The following CDK5RAP2 variants were observed in gnomAD, a reference collection of about 807,000 sequenced individuals.
CDK5RAP2 encodes CDK5 regulatory subunit associated protein 2, also known as CDK5 regulatory subunit-associated protein 2.
In CDK5RAP2, 147 loss-of-function variants were observed where a neutral mutation model predicts 232.9. The ratio of observed to expected loss-of-function variants is 0.63; its 90% CI spans 0.55 to 0.72. CDK5RAP2 has a LOEUF of 0.72. CDK5RAP2 is among the 30% of genes least tolerant of loss of function. CDK5RAP2 has a pLI of 0.00. For missense variants in CDK5RAP2, 2,195 were observed against 2,231.5 expected (o/e 0.98, Z 0.33); for synonymous variants, 833 against 833.7 (o/e 1.00, Z 0.01).
At chr9:120,412,113 C>G (rs1472897065) in intron 28 of CDK5RAP2, among the ~76,000 whole-genome samples, 1 of 152,216 alleles carries the variant, frequency 6.6e-6, no homozygotes, top group Non-Finnish European at 1.5e-5. Flanking sequence ...TTATCCTAAA[C>G]AAATTCCATT....
intron 29 of CDK5RAP2, among the ~76,000 whole-genome samples, chr9:120,411,075 A>T (rs1262164831): frequency 6.6e-6 from 1 of 152,214 alleles, no homozygotes; most frequent in Non-Finnish European, 1.5e-5. Flanking sequence ...AAGCAAATAA[A>T]GTAACATTTA....
intron 11 of CDK5RAP2, 89 bp from the exon 12 acceptor site, chr9:120,518,734 G>C (rs1564329337): frequency 1.0e-6 from 1 of 964,106 alleles, no homozygotes; most frequent in Non-Finnish European, 1.6e-6. Context: ...CGCCGTGGGG[G>C]AAAAAAAGAA....
At chr9:120,490,898 T>C (rs763746967) in intron 13 of CDK5RAP2, among the ~76,000 whole-genome samples, 23 of 152,124 alleles carry the variant, frequency 1.5e-4, no homozygotes, top group Admixed American at 3.3e-4. Context: ...TTTCAAAAAC[T>C]CACGACATGA....
intron 14 of CDK5RAP2, among the ~76,000 whole-genome samples, chr9:120,485,831 G>A (rs1027957540): frequency 2.6e-5 from 4 of 152,300 alleles, no homozygotes; most frequent in Admixed American, 2.6e-4. Flanking sequence ...CCCAGGTTAC[G>A]TAAGTGAAAT....
Position 120,571,856 on chromosome 9 carries a change from G to GT in CDK5RAP2, c.127+117dup, listed in dbSNP as rs1189724060. 6.5e-6 allele frequency: 5 copies of GT among 774,656 alleles called. No individual in the cohort carries two copies. In the African/African-American group the frequency reaches 8.5e-5, roughly 13 times the overall value. The allele number at this position is 774,656 out of a possible 1,614,324, so 48.0% of individuals were successfully genotyped here. ...ATACAAAAAATACTGAGCACCTACG[G>GT]TGTGCCAGTTCAGGGAAGCCTCTGG... On this transcript the variant is annotated intron_variant, in intron 2 of 37. Coordinates refer to ENST00000349780, the MANE Select transcript of CDK5RAP2 (RefSeq NM_018249.6).
intron 12 of CDK5RAP2, among the ~76,000 whole-genome samples, chr9:120,503,339 C>A (rs1350164692): frequency 6.6e-6 from 1 of 152,140 alleles, no homozygotes; most frequent in East Asian, 1.9e-4. Flanking sequence ...GCAAAATGAC[C>A]ATAGGGGGAG....
intron 25 of CDK5RAP2, among the ~76,000 whole-genome samples, chr9:120,428,533 T>C (rs1291525411): frequency 6.6e-6 from 1 of 152,204 alleles, no homozygotes; most frequent in Non-Finnish European, 1.5e-5. Context: ...CCTCGACACA[T>C]ACACTATCCC....
At chr9:120,540,748 T>C (rs1187780907) in intron 5 of CDK5RAP2, among the ~76,000 whole-genome samples, 1 of 152,220 alleles carries the variant, frequency 6.6e-6, no homozygotes, top group Non-Finnish European at 1.5e-5. Context: ...AAAAATGAGA[T>C]GATTACCTCT....
At chr9:120,449,230 C>G (rs1242660160) in intron 21 of CDK5RAP2, among the ~76,000 whole-genome samples, 1 of 152,166 alleles carries the variant, frequency 6.6e-6, no homozygotes, top group African/African-American at 2.4e-5. Flanking sequence ...TTACTCCTTC[C>G]TACTTCCCCG....
At chr9:120,410,880 T>C (rs1158329984) in intron 29 of CDK5RAP2, among the ~76,000 whole-genome samples, 1 of 152,220 alleles carries the variant, frequency 6.6e-6, no homozygotes, top group Non-Finnish European at 1.5e-5. Context: ...AAGTGAAAGC[T>C]CTTTGGGAGC....
intron 20 of CDK5RAP2, among the ~76,000 whole-genome samples, chr9:120,455,272 C>G (rs1177807001): frequency 6.7e-6 from 1 of 150,248 alleles, no homozygotes; most frequent in Non-Finnish European, 1.5e-5. Context: ...ATGGAACAGT[C>G]TAAGCATGGA....
intron 11 of CDK5RAP2, among the ~76,000 whole-genome samples, chr9:120,521,490 C>A (rs1450246556): frequency 6.6e-6 from 1 of 152,120 alleles, no homozygotes; most frequent in African/African-American, 2.4e-5. Context: ...GAATAAGTCT[C>A]ACAAGTTCTG....
rs1218507084 is a variant in CDK5RAP2 at position 120,497,225 on chromosome 9, G to A, written c.1312-5748C>T. ...TGCTTGAAGGCAGCATGCTCGTTAA[G>A]AGTCACCACCACTCCCTAATCTCAA... is the stretch of plus-strand genomic sequence containing the variant. On this transcript the variant is annotated intron_variant, in intron 12 of 37. Transcript: ENST00000349780. Among the ~76,000 whole-genome samples, 4 of 131,806 alleles carry A rather than the reference G, an allele frequency of 3.0e-5. No individual in the cohort carries two copies. In the South Asian group the frequency reaches 9.5e-4, roughly 31 times the overall value. 86.5% of individuals were successfully genotyped at this position (131,806 alleles called of 152,430 possible).
chr9:120,540,686 T>A (rs1312129780), intron 5 of CDK5RAP2, among the ~76,000 whole-genome samples: 1 of 152,210 alleles, frequency 6.6e-6, no homozygotes, highest in Non-Finnish European at 1.5e-5. Flanking sequence ...GGACTCTGGG[T>A]GAATTACCTA....
At chr9:120,405,908 A>G (rs910788159) in intron 32 of CDK5RAP2, among the ~76,000 whole-genome samples, 1 of 152,362 alleles carries the variant, frequency 6.6e-6, no homozygotes, top group African/African-American at 2.4e-5. Context: ...AGGACACACA[A>G]TGACACAAAA....
intron 13 of CDK5RAP2, 99 bp downstream of exon 13, chr9:120,491,208 A>T: frequency 1.1e-6 from 1 of 912,088 alleles, no homozygotes; most frequent in Admixed American, 2.0e-5. Flanking sequence ...GAAACATAGC[A>T]ATGATTACTG....
chr9:120,503,851 C>T (rs1457447777), intron 12 of CDK5RAP2, among the ~76,000 whole-genome samples: 2 of 152,132 alleles, frequency 1.3e-5, no homozygotes, highest in Non-Finnish European at 2.9e-5. Flanking sequence ...ATCACCACCA[C>T]CACCACCACC....
chr9:120,553,924 G>C (rs1489252568), intron 3 of CDK5RAP2, among the ~76,000 whole-genome samples: 1 of 152,050 alleles, frequency 6.6e-6, no homozygotes, highest in Non-Finnish European at 1.5e-5. Context: ...ATCACACTTG[G>C]CCTCATTTTT....
intron 13 of CDK5RAP2, among the ~76,000 whole-genome samples, chr9:120,489,669 CTTTT>C (rs939634944): frequency 1.3e-5 from 2 of 152,102 alleles, no homozygotes. Flanking sequence ...TTCCAAATAT[CTTTT>C]TTGTCAGAGC....
Sources: allele counts gnomAD v4.1 joint callset (sites outside exome capture counted in the v4.1 genomes callset), GRCh38; gene constraint gnomAD v4.1.1; transcripts MANE v1.5; gene names NCBI Gene and HGNC (gene_info 2026-07-23, HGNC 2026-07-21).